The following PSMA1 variants were observed in gnomAD, a reference collection of about 807,000 sequenced individuals.
The protein encoded by PSMA1 is proteasome subunit alpha type-1.
A neutral mutation model predicts 38.4 loss-of-function variants in PSMA1; 3 were observed. The observed-to-expected ratio is 0.08, with a 90% CI of 0.04 to 0.20. The LOEUF (loss-of-function observed/expected upper bound fraction) is 0.20. Among genes scored for constraint, PSMA1 ranks in the 10% least tolerant of loss-of-function variants. The pLI is 1.00. For synonymous variants in PSMA1, 101 were observed against 107.1 expected (o/e 0.94, Z 0.35); for missense variants, 227 against 325.3 (o/e 0.70, Z 2.32).
At chr11:14,635,231 TA>T (rs1454082695) in intron 1 of PSMA1, among the ~76,000 whole-genome samples, 1 of 152,248 alleles carries the variant, frequency 6.6e-6, no homozygotes, top group Non-Finnish European at 1.5e-5. Context: ...TTGATTTGTT[TA>T]AAGTGTTGTT....
chr11:14,604,424 T>C (rs1303024798), intron 2 of PSMA1, among the ~76,000 whole-genome samples: 1 of 152,182 alleles, frequency 6.6e-6, no homozygotes, highest in African/African-American at 2.4e-5. Context: ...TATTCAGGCC[T>C]TTCTAGGGCC....
At chr11:14,581,699 T>C (rs1346342710) in intron 2 of PSMA1, among the ~76,000 whole-genome samples, 1 of 152,230 alleles carries the variant, frequency 6.6e-6, no homozygotes, top group East Asian at 1.9e-4. Flanking sequence ...AAGAGGTTTT[T>C]ATTGATTTGT....
intron 2 of PSMA1, among the ~76,000 whole-genome samples, chr11:14,537,074 C>T (rs1185336499): frequency 1.3e-5 from 2 of 152,132 alleles, no homozygotes; most frequent in Non-Finnish European, 2.9e-5. Flanking sequence ...CTTTATCTTT[C>T]CTCAAGACAA....
chr11:14,520,493 G>T, upstream of PSMA1: 1 of 1,446,866 alleles, frequency 6.9e-7, no homozygotes, highest in Non-Finnish European at 9.1e-7. Context: ...CGACCGCTCG[G>T]CGGCGGGCGG....
At chr11:14,610,202 A>G (rs759666016) in intron 2 of PSMA1, among the ~76,000 whole-genome samples, 1 of 152,180 alleles carries the variant, frequency 6.6e-6, no homozygotes, top group African/African-American at 2.4e-5. Flanking sequence ...AAGTTTAAAA[A>G]TCTTCACATG....
chr11:14,632,641 T>A (rs1853038815), intron 1 of PSMA1, among the ~76,000 whole-genome samples: 1 of 150,434 alleles, frequency 6.6e-6, no homozygotes, highest in Admixed American at 6.6e-5. Flanking sequence ...GACAATTATG[T>A]GTCTTGGAGT....
intron 1 of PSMA1, chr11:14,611,264 T>C (rs1184642530): frequency 5.1e-5 from 22 of 427,994 alleles, no homozygotes; most frequent in Non-Finnish European, 9.2e-5. Flanking sequence ...TGGGGGTAAG[T>C]AGATACAGGC....
intron 1 of PSMA1, among the ~76,000 whole-genome samples, chr11:14,618,446 G>A (rs2134202250): frequency 6.6e-6 from 1 of 152,288 alleles, no homozygotes; most frequent in Non-Finnish European, 1.5e-5. Context: ...TAGCCTCTCA[G>A]TAGAGTTATC....
intron 2 of PSMA1, among the ~76,000 whole-genome samples, chr11:14,562,316 C>CT (rs529268612): frequency 1.2e-3 from 190 of 152,284 alleles, no homozygotes; most frequent in South Asian, 6.2e-3. Context: ...CTTGTTATAG[C>CT]TTTTTTTCCC....
At chr11:14,523,968 T>A (rs1851558908), upstream of PSMA1, among the ~76,000 whole-genome samples, 2 of 151,500 alleles carry the variant, frequency 1.3e-5, no homozygotes, top group African/African-American at 4.8e-5. Context: ...GCGAACATAG[T>A]ACTACTTCTT....
chr11:14,556,743 G>A (rs1851944298), intron 2 of PSMA1, among the ~76,000 whole-genome samples: 1 of 152,110 alleles, frequency 6.6e-6, no homozygotes, highest in African/African-American at 2.4e-5. Flanking sequence ...GTGAAGTTTA[G>A]GTTGAAGTTC....
At chr11:14,507,881 C>G in intron 8 of PSMA1, 115 bp from the exon 9 acceptor site, 1 of 680,378 alleles carries the variant, frequency 1.5e-6, no homozygotes, top group Non-Finnish European at 2.4e-6. Context: ...TTGAATAAAA[C>G]CTTAAAAACC....
intron 2 of PSMA1, among the ~76,000 whole-genome samples, chr11:14,602,030 A>G (rs920636860): frequency 1.3e-5 from 2 of 152,200 alleles, no homozygotes; most frequent in African/African-American, 4.8e-5. Flanking sequence ...GTTCCTCACT[A>G]TAGATTCATG....
intron 2 of PSMA1, among the ~76,000 whole-genome samples, chr11:14,550,816 T>C (rs1401674964): frequency 1.3e-5 from 2 of 152,174 alleles, no homozygotes; most frequent in Non-Finnish European, 2.9e-5. Context: ...GAAAATAGGA[T>C]AATTCTTCAT....
rs796100028 is a variant in PSMA1, at chr11:14,534,842, G to A, written c.22-15801C>T. 3.3e-5 allele frequency among the ~76,000 whole-genome samples: 5 copies of A among 152,322 alleles called. No homozygotes were observed. Among genetic ancestry groups the A allele is most frequent in the African/African-American group, 1.2e-4 (5 of 41,568 alleles). On this transcript the variant is annotated intron_variant, in intron 2 of 10. Transcript: ENST00000418988. The surrounding 1 kb of genome is among the most constrained non-coding windows in gnomAD (Gnocchi z 4.5). The stretch of plus-strand genomic sequence containing the variant: ...CACGCCTGTAATCCCAGCACTTTGG[G>A]AGGCAGGCAGATCTCCTGAGATCAG...
intron 2 of PSMA1, among the ~76,000 whole-genome samples, chr11:14,539,862 A>C (rs779087349): frequency 1.3e-5 from 2 of 151,736 alleles, no homozygotes; most frequent in Non-Finnish European, 2.9e-5. Context: ...CAAACAAACA[A>C]AGAAAAAAAA....
intron 2 of PSMA1, among the ~76,000 whole-genome samples, chr11:14,545,690 T>C (rs1359958137): frequency 6.6e-6 from 1 of 152,252 alleles, no homozygotes; most frequent in African/African-American, 2.4e-5. Flanking sequence ...TAGCAGTAGA[T>C]CTATTAACTA....
chr11:14,634,861 G>C (rs1191030333), intron 1 of PSMA1, among the ~76,000 whole-genome samples: 4 of 152,196 alleles, frequency 2.6e-5, no homozygotes, highest in African/African-American at 9.6e-5. Flanking sequence ...TTACTGCACT[G>C]TGTACCTCTG....
chr11:14,588,663 T>A (rs1852377535), intron 2 of PSMA1, among the ~76,000 whole-genome samples: 1 of 152,238 alleles, frequency 6.6e-6, no homozygotes, highest in Admixed American at 6.5e-5. Flanking sequence ...CTGTTTAGCA[T>A]ACGAGTGTCT....
Sources: gnomAD v4.1 joint callset for allele counts (sites outside exome capture counted in the v4.1 genomes callset) on GRCh38, gnomAD v4.1.1 for gene constraint, Gnocchi (gnomAD v3.1) non-coding constraint, MANE v1.5 for transcripts, NCBI Gene and HGNC (gene_info 2026-07-23, HGNC 2026-07-21) for gene names.